ADGRG4: variants seen among roughly 807,000 people sequenced by gnomAD.
ADGRG4 encodes the protein G protein-coupled receptor 112.
Under a neutral mutation model 126.2 loss-of-function variants are expected in ADGRG4, and 122 were observed. The observed-to-expected ratio is 0.97, with a 90% confidence interval of 0.83 to 1.12. The LOEUF (loss-of-function observed/expected upper bound fraction) is 1.12, where lower values mean the gene tolerates loss of function less well. ADGRG4 is among the 50% of genes most tolerant of loss of function. ADGRG4 has a pLI of 0.00. For missense variants in ADGRG4, 2,481 were observed against 2,251.8 expected, an observed-to-expected ratio of 1.10 and a Z score of -2.06; for synonymous variants, 943 against 838.7, an observed-to-expected ratio of 1.12 and a Z score of -2.15.
chrX:136,373,009 C>A lies in ADGRG4; in HGVS notation c.7721C>A (p.Thr2574Lys), dbSNP rs2075204090. Residue 2574 changes from threonine to lysine, a missense_variant, in exon 15 of 26, where the codon ACG becomes AAG. Coordinates refer to ENST00000394143, the MANE Select transcript of ADGRG4 (RefSeq NM_153834.4). Reference protein sequence around the residue: ...LALAVLRGDHTFDGMAFSIHS... With the variant: ...LALAVLRGDHKFDGMAFSIHS... Reference sequence around the variant, plus strand: ...TTGGCTGTGCTGCGGGGGGACCACACGTTTGATGGCATGGCTTTCAGCATT... The same window carrying A: ...TTGGCTGTGCTGCGGGGGGACCACAAGTTTGATGGCATGGCTTTCAGCATT... 8.3e-7 allele frequency: 1 copy of A among 1,210,527 alleles called. No individual in the cohort carries two copies. The highest frequency in any genetic ancestry group is 1.8e-5 in the South Asian group (1 of 56,819).
intron 1 of ADGRG4, among the ~76,000 whole-genome samples, chrX:136,302,001 G>A (rs754643342): frequency 4.5e-5 from 5 of 112,075 alleles, no homozygotes; most frequent in African/African-American, 1.6e-4. Flanking sequence ...AGTATAGTTT[G>A]AAGTCAGGTA....
intron 25 of ADGRG4, among the ~76,000 whole-genome samples, chrX:136,414,586 TGAGAG>T (rs748174343): frequency 9.8e-4 from 110 of 112,603 alleles, no homozygotes; most frequent in African/African-American, 3.5e-3. Flanking sequence ...AAAGAAGAGA[TGAGAG>T]GTTAGAAAAT....
chrX:136,353,966 G>T (rs933900262), intron 8 of ADGRG4, among the ~76,000 whole-genome samples: 4 of 111,260 alleles, frequency 3.6e-5, no homozygotes, highest in African/African-American at 1.3e-4. Flanking sequence ...GTATTCTTTC[G>T]CTGCACATAT....
intron 4 of ADGRG4, among the ~76,000 whole-genome samples, chrX:136,313,026 G>T (rs2074782921): frequency 8.9e-6 from 1 of 112,226 alleles, no homozygotes; most frequent in Admixed American, 9.4e-5. Flanking sequence ...TCAATGGTAT[G>T]GATATACCTC....
Position 136,403,234 on chromosome X carries a change from C to T in ADGRG4, c.8576-10C>T, listed in dbSNP as rs1229803896. 8.3e-7 allele frequency: 1 copy of T among 1,205,343 alleles called. No homozygotes were observed. The highest frequency in any genetic ancestry group is 3.0e-5 in the East Asian group (1 of 33,834). On this transcript the variant is annotated splice_polypyrimidine_tract_variant and intron_variant, in intron 21 of 25. Coordinates refer to ENST00000394143, the MANE Select transcript of ADGRG4 (RefSeq NM_153834.4). ...TGATGAAATGCCTTTGACTTGCTTT[C>T]CCACTGCAGGAATCCCGGCTATCAT...
intron 16 of ADGRG4, among the ~76,000 whole-genome samples, chrX:136,389,941 T>C (rs2075310851): frequency 8.9e-6 from 1 of 112,480 alleles, no homozygotes; most frequent in Admixed American, 9.4e-5. Context: ...TAATTCTATT[T>C]TTCTTGAATC....
chrX:136,357,584 G>A (rs957640474), intron 9 of ADGRG4, 120 bp from the exon 10 acceptor site: 5 of 501,703 alleles, frequency 1.0e-5, no homozygotes, highest in African/African-American at 4.8e-5. Context: ...GTTTGCAGAC[G>A]GCAATGAGTT....
At chrX:136,399,791 T>C in intron 20 of ADGRG4, 57 bp from the exon 21 acceptor site, 1 of 1,022,453 alleles carries the variant, frequency 9.8e-7, no homozygotes, top group Non-Finnish European at 1.3e-6. Flanking sequence ...TGTGGCGATG[T>C]TTAATTAAAA....
intron 15 of ADGRG4, among the ~76,000 whole-genome samples, chrX:136,378,530 AGAAGTGGTT>A (rs1273215543): frequency 9.0e-6 from 1 of 111,506 alleles, no homozygotes; most frequent in East Asian, 2.8e-4. Context: ...AATGTTGAAT[AGAAGTGGTT>A]GAAGTGGGCA....
At chrX:136,385,325 T>C (rs2075287335) in intron 15 of ADGRG4, among the ~76,000 whole-genome samples, 1 of 111,918 alleles carries the variant, frequency 8.9e-6, no homozygotes, top group Non-Finnish European at 1.9e-5. Context: ...ATGGATATGT[T>C]AATTTGCTTC....
chrX:136,341,718 T>A (rs1332389538), intron 5 of ADGRG4, among the ~76,000 whole-genome samples: 1 of 112,163 alleles, frequency 8.9e-6, no homozygotes, highest in Non-Finnish European at 1.9e-5. Context: ...TAAAAATGTG[T>A]GTACTTTTAT....
At chrX:136,410,185 AG>A (rs767185590) in intron 23 of ADGRG4, among the ~76,000 whole-genome samples, 76 of 112,433 alleles carry the variant, frequency 6.8e-4, no homozygotes, top group African/African-American at 2.4e-3. Flanking sequence ...TTTTCATGAC[AG>A]CCCTTTCAGA....
At position 136,345,058 on chromosome X, in the gene ADGRG4, T is replaced by G. The variant is rs772583051; in HGVS notation, c.1352T>G (p.Val451Gly). 1 of 1,210,884 alleles carries G rather than the reference T, an allele frequency of 8.3e-7. No homozygotes were observed. Among genetic ancestry groups the G allele is most frequent in the Non-Finnish European group, 1.1e-6 (1 of 894,687 alleles). Residue 451 changes from valine to glycine, a missense_variant, in exon 6 of 26, where the codon GTG becomes GGG. Coordinates refer to ENST00000394143, the MANE Select transcript of ADGRG4 (RefSeq NM_153834.4). ...GCCGGAACTGTACCTTGGTTTACAG[T>G]GGAAAAGACTTCACCTGCATCTACT... ...TAAGTVPWFT[V>G]EKTSPASTHV...
chrX:136,329,151 T>A (rs768674075), intron 5 of ADGRG4, among the ~76,000 whole-genome samples: 1 of 111,582 alleles, frequency 9.0e-6, no homozygotes, highest in African/African-American at 3.3e-5. Flanking sequence ...CTCTCACAAA[T>A]CTAATCAACA....
At chrX:136,371,119 A>G (rs1415841450) in intron 13 of ADGRG4, among the ~76,000 whole-genome samples, 1 of 112,050 alleles carries the variant, frequency 8.9e-6, no homozygotes, top group Admixed American at 9.5e-5. Context: ...ATGAATGAAA[A>G]CTTTTTATGA....
rs761437358 is a variant in ADGRG4 at position 136,416,484 on chromosome X, C to T, written c.9236C>T (p.Ser3079Phe). The T allele has an allele frequency of 5.0e-6, 6 of 1,194,642 alleles. No individual in the cohort carries two copies. The highest frequency in any genetic ancestry group is 6.8e-6 in the Non-Finnish European group (6 of 882,999). Residue 3079 changes from serine to phenylalanine, a missense_variant, in exon 26 of 26, where the codon TCT becomes TTT. Physicochemically the swap from Ser to Phe is radical, Grantham distance 155. Coordinates refer to ENST00000394143, the MANE Select transcript of ADGRG4 (RefSeq NM_153834.4). ...DDFDKDPYCS[S>F]P is the part of the protein sequence containing the mutation. ...TTTGACAAAGATCCTTACTGTTCCTCTCCTTGATTTGTGAAGTTGTGCCTA... is the reference window on the plus strand; with the variant it reads ...TTTGACAAAGATCCTTACTGTTCCTTTCCTTGATTTGTGAAGTTGTGCCTA...
intron 5 of ADGRG4, among the ~76,000 whole-genome samples, chrX:136,323,703 A>C (rs1438301913): frequency 9.0e-6 from 1 of 111,028 alleles, no homozygotes; most frequent in Non-Finnish European, 1.9e-5. Flanking sequence ...TTTCCTAAGA[A>C]TGAGGAATTC....
chrX:136,410,442 C>T (rs1213280386), intron 23 of ADGRG4, among the ~76,000 whole-genome samples: 1 of 111,660 alleles, frequency 9.0e-6, no homozygotes, highest in Admixed American at 9.6e-5. Flanking sequence ...TTCTTTACTT[C>T]CAGTAGTGCT....
At position 136,416,419 on chromosome X, in the gene ADGRG4, C is replaced by T. The variant is rs377317034; in HGVS notation, c.9206-35C>T. ...CTACTATGTGCAAAGTCCCTGATGC[C>T]GCAGCTGAAAATTTTCTTTTTTTCT... is the stretch of plus-strand genomic sequence containing the variant. On this transcript the variant is annotated intron_variant, in intron 25 of 25. Coordinates refer to ENST00000394143, the MANE Select transcript of ADGRG4 (RefSeq NM_153834.4). 7.0e-5 allele frequency: 81 copies of T among 1,153,903 alleles called. 1 individual carries two copies. In the Admixed American group the frequency reaches 1.6e-3, roughly 23 times the overall value.
Sources: gnomAD v4.1 joint callset for allele counts (sites outside exome capture counted in the v4.1 genomes callset) on GRCh38, gnomAD v4.1.1 for gene constraint, MANE v1.5 for transcripts, NCBI Gene and HGNC (gene_info 2026-07-23, HGNC 2026-07-21) for gene names.